LAMC1: variants seen among roughly 807,000 people sequenced by gnomAD.
LAMC1 encodes the protein laminin subunit gamma 1, also known as laminin subunit gamma-1.
A neutral mutation model predicts 173.6 loss-of-function variants in LAMC1; 38 were observed. The ratio of observed to expected loss-of-function variants is 0.22; its 90% confidence interval spans 0.17 to 0.29. The LOEUF (loss-of-function observed/expected upper bound fraction) is 0.29. LAMC1 is among the 10% of genes least tolerant of loss of function. The probability of loss-of-function intolerance (pLI) is 1.00; values close to 1 mark genes in which losing one functional copy is unlikely to be tolerated. For missense variants in LAMC1, 1,824 were observed against 2,051.8 expected (o/e 0.89, Z 2.14); for synonymous variants, 746 against 749.1 (o/e 1.00, Z 0.07).
chr1:183,067,412 G>C (rs143151304), intron 1 of LAMC1, among the ~76,000 whole-genome samples: 118 of 152,184 alleles, frequency 7.8e-4, no homozygotes, highest in African/African-American at 2.8e-3. Context: ...GCATTTCTTT[G>C]TTGGCAGTAG....
At chr1:183,128,489 C>A in intron 17 of LAMC1, 105 bp from the exon 18 acceptor site, 27 of 717,890 alleles carry the variant, frequency 3.8e-5, no homozygotes, top group South Asian at 8.7e-5. Flanking sequence ...AAAAAAAGAA[C>A]TACATATTCA....
At chr1:183,120,660 G>A (rs1656445828) in intron 11 of LAMC1, among the ~76,000 whole-genome samples, 1 of 152,206 alleles carries the variant, frequency 6.6e-6, no homozygotes, top group Non-Finnish European at 1.5e-5. Flanking sequence ...TGTTCCTGTT[G>A]ATGCTTGTAT....
Position 183,116,794 on chromosome 1 carries a change from A to G in LAMC1, c.1455A>G (p.Glu485=), listed in dbSNP as rs781326806. 3.1e-6 allele frequency: 5 copies of G among 1,613,994 alleles called. No homozygotes were observed. The highest frequency in any genetic ancestry group is 1.6e-4 in the Middle Eastern group (1 of 6,084). ...GCAAACCTGGATTTTTTAATCTGGA[A>G]TCATCTAATCCTCGGGGTTGCACAC... The part of the protein sequence containing the change: ...ERCKPGFFNL[E]SSNPRGCTPC... The change falls in exon 8 of 28, where the codon GAA becomes GAG. Residue 485 remains glutamate (E), a synonymous_variant. Transcript: ENST00000258341.
At chr1:183,131,428 GGTGTGTGTGT>G (rs55951405) in intron 20 of LAMC1, 50 bp downstream of exon 20, 7 of 951,834 alleles carry the variant, frequency 7.4e-6, no homozygotes, top group African/African-American at 5.2e-5. Flanking sequence ...TCTGTTATGG[GGTGTGTGTGT>G]GTGTGTGTGT....
chr1:183,068,274 C>T (rs983155896), intron 1 of LAMC1, among the ~76,000 whole-genome samples: 3 of 151,226 alleles, frequency 2.0e-5, no homozygotes, highest in East Asian at 1.9e-4. Flanking sequence ...AAAGAATACA[C>T]ACAATCTCAA....
chr1:183,067,918 G>A (rs1654917936), intron 1 of LAMC1, among the ~76,000 whole-genome samples: 1 of 152,116 alleles, frequency 6.6e-6, no homozygotes, highest in South Asian at 2.1e-4. Flanking sequence ...GCTTCACATG[G>A]GTGCTTCTGT....
chr1:183,079,231 G>GTTTTT (rs1262239438), intron 1 of LAMC1, among the ~76,000 whole-genome samples: 24 of 95,676 alleles, frequency 2.5e-4, no homozygotes, highest in African/African-American at 9.1e-4. Flanking sequence ...TCTCTAATCT[G>GTTTTT]GTTTTTTTTT....
In LAMC1 at chr1:183,145,024, G is replaced by A. The variant is rs556030246; in HGVS notation, c.*2234G>A. 6.6e-6 allele frequency: 1 copy of A among 152,298 alleles called. No individual in the cohort carries two copies. Among genetic ancestry groups the A allele is most frequent in the South Asian group, 2.1e-4 (1 of 4,824 alleles). 9.4% of individuals were successfully genotyped at this position (152,298 alleles called of 1,614,324 possible). A position where few individuals can be genotyped will look rare whatever the true frequency, so the allele number is the denominator to read the frequency against. ...TTTTCACGTCATTGTTTCCTGGCTA[G>A]TTCATTTCATTAAGTGGCTACATCC... On this transcript the variant is annotated 3_prime_UTR_variant, in exon 28 of 28. Coordinates refer to ENST00000258341, the MANE Select transcript of LAMC1 (RefSeq NM_002293.4).
chr1:183,089,752 A>G (rs1655520246), intron 1 of LAMC1, among the ~76,000 whole-genome samples: 1 of 152,212 alleles, frequency 6.6e-6, no homozygotes, highest in Non-Finnish European at 1.5e-5. Flanking sequence ...CAAATGTTCT[A>G]AATTGAGGCT....
chr1:183,090,554 C>T (rs947502999), intron 1 of LAMC1, among the ~76,000 whole-genome samples: 3 of 152,208 alleles, frequency 2.0e-5, no homozygotes. Context: ...TGGCAGGGTA[C>T]TTGCGTGATG....
intron 1 of LAMC1, among the ~76,000 whole-genome samples, chr1:183,055,162 G>A (rs1356611197): frequency 1.3e-5 from 2 of 151,062 alleles, no homozygotes; most frequent in Non-Finnish European, 3.0e-5. Context: ...CTAATTTTTT[G>A]TATTTTTAGC....
intron 1 of LAMC1, among the ~76,000 whole-genome samples, chr1:183,101,651 T>C (rs1258142396): frequency 6.6e-6 from 1 of 151,050 alleles, no homozygotes; most frequent in Admixed American, 6.6e-5. Context: ...ACTCTTGAAG[T>C]CGGTGGGGCA....
At chr1:183,053,702 T>G (rs1654499810) in intron 1 of LAMC1, among the ~76,000 whole-genome samples, 1 of 152,126 alleles carries the variant, frequency 6.6e-6, no homozygotes, top group African/African-American at 2.4e-5. Flanking sequence ...CTTGGCTCAC[T>G]GCAACCTCCA....
intron 1 of LAMC1, among the ~76,000 whole-genome samples, chr1:183,047,224 A>C (rs1235943002): frequency 6.6e-6 from 1 of 152,200 alleles, no homozygotes; most frequent in Non-Finnish European, 1.5e-5. Context: ...TATTCATAAA[A>C]TTCACTGGAG....
intron 1 of LAMC1, among the ~76,000 whole-genome samples, chr1:183,069,476 T>C (rs1214397036): frequency 6.6e-6 from 1 of 152,234 alleles, no homozygotes; most frequent in African/African-American, 2.4e-5. Flanking sequence ...TCAAGGAGAT[T>C]ACAGTCTAGT....
intron 1 of LAMC1, among the ~76,000 whole-genome samples, chr1:183,101,090 C>G (rs1222995338): frequency 6.6e-6 from 1 of 152,018 alleles, no homozygotes; most frequent in African/African-American, 2.4e-5. Context: ...TTTACCTTCT[C>G]TCCTTTGGCC....
At chr1:183,030,004 T>C (rs1653808907) in intron 1 of LAMC1, among the ~76,000 whole-genome samples, 1 of 152,218 alleles carries the variant, frequency 6.6e-6, no homozygotes, top group Non-Finnish European at 1.5e-5. Flanking sequence ...CAGTCCTGCC[T>C]ATTTTTGTAT....
At chr1:183,074,701 GAA>G (rs1183565899) in intron 1 of LAMC1, among the ~76,000 whole-genome samples, 1 of 152,110 alleles carries the variant, frequency 6.6e-6, no homozygotes, top group South Asian at 2.1e-4. Flanking sequence ...TTATGAGTTA[GAA>G]AAAGTTATCT....
chr1:183,132,406 A>G lies in LAMC1; in HGVS notation c.3573A>G (p.Lys1191=), dbSNP rs748311183. Residue 1191 remains lysine (K), a synonymous_variant, in exon 21 of 28, where the codon AAA becomes AAG. Coordinates refer to ENST00000258341, the MANE Select transcript of LAMC1 (RefSeq NM_002293.4). ...TTTTGTTTTATCTGTATAGTCATAA[A>G]CAGGAAGCTGATGACATTGTTCGAG... ...EEARKLAERH[K]QEADDIVRVA... 1.9e-6 allele frequency: 3 copies of G among 1,613,674 alleles called. No homozygotes were observed. Among genetic ancestry groups the G allele is most frequent in the East Asian group, 4.5e-5 (2 of 44,862 alleles).
Sources: allele counts gnomAD v4.1 joint callset (sites outside exome capture counted in the v4.1 genomes callset), GRCh38; gene constraint gnomAD v4.1.1; transcripts MANE v1.5; gene names NCBI Gene and HGNC (gene_info 2026-07-23, HGNC 2026-07-21).